The following ANK3 variants were observed in gnomAD, a reference collection of about 807,000 sequenced individuals.
ANK3 encodes the protein ankyrin-3.
In ANK3, 57 loss-of-function variants were observed where a neutral mutation model predicts 370.9. The ratio of observed to expected loss-of-function variants is 0.15; its 90% CI spans 0.12 to 0.19. The LOEUF (loss-of-function observed/expected upper bound fraction) is 0.19, where lower values mean the gene tolerates loss of function less well. Ranked by LOEUF, ANK3 falls within the 10% of genes least tolerant of loss-of-function variation. ANK3 has a pLI of 1.00. For missense variants in ANK3, 4,439 were observed against 5,302.1 expected (o/e 0.84, Z 5.06); for synonymous variants, 1,929 against 1,946.3 (o/e 0.99, Z 0.23).
At chr10:60,732,266 C>T (rs1010927599) in intron 1 of ANK3, among the ~76,000 whole-genome samples, 1 of 152,212 alleles carries the variant, frequency 6.6e-6, no homozygotes, top group African/African-American at 2.4e-5. Flanking sequence ...TCCCCAATCC[C>T]CCTTCCCGGG....
intron 1 of ANK3, among the ~76,000 whole-genome samples, chr10:60,623,856 A>C (rs1408647217): frequency 2.0e-5 from 3 of 152,188 alleles, no homozygotes; most frequent in Non-Finnish European, 2.9e-5. Context: ...GAGTCTATGC[A>C]AACAATGTGA....
At chr10:60,588,247 C>T (rs916949876) in intron 2 of ANK3, among the ~76,000 whole-genome samples, 13 of 150,712 alleles carry the variant, frequency 8.6e-5, no homozygotes, top group African/African-American at 2.4e-4. Flanking sequence ...TGCAGTGGCG[C>T]GATCTCAGCT....
At chr10:60,508,221 G>C (rs1460207062) in intron 2 of ANK3, 2 of 152,172 alleles carry the variant, frequency 1.3e-5, no homozygotes, top group Non-Finnish European at 1.5e-5. Context: ...GAAATGCAAT[G>C]TGCTGTGATG....
intron 2 of ANK3, among the ~76,000 whole-genome samples, chr10:60,428,640 C>T (rs924991779): frequency 4.6e-5 from 7 of 152,120 alleles, no homozygotes; most frequent in African/African-American, 1.2e-4. Context: ...ATTGAAATCA[C>T]ATCTTAAGAC....
Position 60,114,285 on chromosome 10 carries a change from T to A in ANK3, c.2888A>T (p.Tyr963Phe). The A allele has an allele frequency of 6.2e-7, 1 of 1,609,588 alleles. No homozygotes were observed. Among genetic ancestry groups the A allele is most frequent in the Non-Finnish European group, 8.5e-7 (1 of 1,178,150 alleles). ...GTCTAAGGTGTCTGCAGCCCAGCTG[T>A]AATGTCTAAGAGAATCTGAATCAAA... ...REFDSDSLRHYSWAADTLDNV... is the reference protein window; with the variant it reads ...REFDSDSLRHFSWAADTLDNV... The change falls in exon 26 of 44, where the codon TAC becomes TTC. Residue 963 changes from tyrosine (Y) to phenylalanine (F), a missense_variant. Transcript: ENST00000280772.
chr10:60,241,502 C>T (rs924453911), intron 7 of ANK3, among the ~76,000 whole-genome samples: 2 of 152,014 alleles, frequency 1.3e-5, no homozygotes, highest in Non-Finnish European at 2.9e-5. Context: ...AAGGAAGAGA[C>T]CAGGGAGGAG....
intron 2 of ANK3, among the ~76,000 whole-genome samples, chr10:60,439,090 T>C (rs1222317381): frequency 1.3e-5 from 2 of 152,220 alleles, no homozygotes; most frequent in African/African-American, 2.4e-5. Context: ...AAGAAAGAGC[T>C]ATTCCAAAGC....
chr10:60,539,057 G>A (rs535774349), intron 2 of ANK3, among the ~76,000 whole-genome samples: 2 of 151,932 alleles, frequency 1.3e-5, no homozygotes, highest in East Asian at 1.9e-4. Flanking sequence ...CAGATGCAGA[G>A]TAGCACAGCA....
At position 60,075,601 on chromosome 10, in the gene ANK3, A is replaced by C. The variant is rs756245086; in HGVS notation, c.5280T>G (p.Thr1760=). The C allele has an allele frequency of 6.8e-6, 11 of 1,614,146 alleles. No individual in the cohort carries two copies. The highest frequency in any genetic ancestry group is 1.3e-5 in the African/African-American group (1 of 75,060). ...TAGAAAACACTTTCTCAACTGTGTCAGTGGCTGCACTGACCACAGAGCTCA... is the reference window on the plus strand; with the variant it reads ...TAGAAAACACTTTCTCAACTGTGTCCGTGGCTGCACTGACCACAGAGCTCA... ...NSVSSVVSAA[T]DTVEKVFSTT... is the part of the protein sequence containing the mutation. Residue 1760 remains threonine, a synonymous_variant, in exon 37 of 44, where the codon ACT becomes ACG. Transcript: ENST00000280772.
At chr10:60,410,863 G>C (rs1194391204) in intron 2 of ANK3, among the ~76,000 whole-genome samples, 1 of 151,728 alleles carries the variant, frequency 6.6e-6, no homozygotes, top group Admixed American at 6.6e-5. Flanking sequence ...GCAGTGACAA[G>C]GTCTCCCTAT....
At chr10:60,260,185 G>A (rs1203974596) in intron 7 of ANK3, among the ~76,000 whole-genome samples, 1 of 152,132 alleles carries the variant, frequency 6.6e-6, no homozygotes, top group African/African-American at 2.4e-5. Flanking sequence ...AAGAGCTTTG[G>A]GGCTGAAATC....
At chr10:60,352,744 T>C (rs1014205240) in intron 1 of ANK3, among the ~76,000 whole-genome samples, 1 of 152,184 alleles carries the variant, frequency 6.6e-6, no homozygotes, top group Non-Finnish European at 1.5e-5. Flanking sequence ...GTAGAAGATG[T>C]AAGTGTTGAG....
intron 1 of ANK3, among the ~76,000 whole-genome samples, chr10:60,650,086 G>A (rs1257021417): frequency 6.6e-6 from 1 of 152,148 alleles, no homozygotes; most frequent in East Asian, 1.9e-4. Flanking sequence ...ATGCACTGAT[G>A]TACAAAGCCA....
At chr10:60,193,895 A>G (rs2132394122) in intron 16 of ANK3, among the ~76,000 whole-genome samples, 1 of 152,278 alleles carries the variant, frequency 6.6e-6, no homozygotes, top group East Asian at 1.9e-4. Context: ...CCAAGGTAGG[A>G]GGATCACTTG....
chr10:60,475,645 C>T (rs574455287), intron 2 of ANK3, among the ~76,000 whole-genome samples: 63 of 152,196 alleles, frequency 4.1e-4, no homozygotes, highest in Non-Finnish European at 7.5e-4. Flanking sequence ...AAACAAAACC[C>T]AGTTATAAAA....
chr10:60,043,927 T>A, intron 42 of ANK3: 1 of 985,858 alleles, frequency 1.0e-6, no homozygotes, highest in Non-Finnish European at 1.2e-6. Flanking sequence ...AGTATTTTTC[T>A]TTGACCCTGA....
At chr10:60,623,873 T>C (rs1033735860) in intron 1 of ANK3, among the ~76,000 whole-genome samples, 4 of 152,168 alleles carry the variant, frequency 2.6e-5, no homozygotes, top group African/African-American at 9.6e-5. Context: ...GTGATTTATA[T>C]ATGGTAGGGT....
At chr10:60,645,456 G>T (rs928252172) in intron 1 of ANK3, among the ~76,000 whole-genome samples, 2 of 152,142 alleles carry the variant, frequency 1.3e-5, no homozygotes, top group African/African-American at 4.8e-5. Flanking sequence ...CAGGCGCAGT[G>T]GCTCACACCT....
intron 1 of ANK3, among the ~76,000 whole-genome samples, chr10:60,719,981 A>G (rs2079841368): frequency 6.6e-6 from 1 of 152,214 alleles, no homozygotes; most frequent in Admixed American, 6.5e-5. Flanking sequence ...AACTGATTAT[A>G]TCAATGATCT....
Sources: gnomAD v4.1 joint callset for allele counts (sites outside exome capture counted in the v4.1 genomes callset) on GRCh38, gnomAD v4.1.1 for gene constraint, MANE v1.5 for transcripts, NCBI Gene and HGNC (gene_info 2026-07-23, HGNC 2026-07-21) for gene names.